The following TM9SF2 variants were observed in gnomAD, a reference collection of about 807,000 sequenced individuals.
The protein encoded by TM9SF2 is 76 kDa membrane protein.
A neutral mutation model predicts 84.9 loss-of-function variants in TM9SF2; 13 were observed. The ratio of observed to expected loss-of-function variants is 0.15; its 90% CI spans 0.10 to 0.24. The LOEUF is 0.24. Among genes scored for constraint, TM9SF2 ranks in the 10% least tolerant of loss-of-function variants. The pLI is 1.00. For synonymous variants in TM9SF2, 273 were observed against 285.8 expected, an observed-to-expected ratio of 0.96 and a Z score of 0.45; for missense variants, 562 against 818.5, an observed-to-expected ratio of 0.69 and a Z score of 3.82.
chr13:99,558,398 A>G (rs1481263514), intron 15 of TM9SF2, among the ~76,000 whole-genome samples: 1 of 152,214 alleles, frequency 6.6e-6, no homozygotes, highest in East Asian at 1.9e-4. Context: ...ATTACATTAG[A>G]TCTGTAGATC....
rs2046354418 is a variant in TM9SF2, at chr13:99,563,895, A to T, written c.*1137A>T. On this transcript the variant is annotated 3_prime_UTR_variant, in exon 17 of 17. Transcript: ENST00000376387. ...AATATAGGAATGGGGGGTGATTCTG[A>T]AGTATCGGTCTGCTTGTATCTGTGA... The T allele has an allele frequency of 6.6e-6, 1 of 152,178 alleles. No homozygotes were observed. The highest frequency in any genetic ancestry group is 2.4e-5 in the African/African-American group (1 of 41,440). The allele number at this position is 152,178 out of a possible 1,614,324, so 9.4% of individuals were successfully genotyped here.
chr13:99,502,579 A>AT (rs2046071402), intron 1 of TM9SF2, among the ~76,000 whole-genome samples: 2 of 152,342 alleles, frequency 1.3e-5, no homozygotes, highest in Admixed American at 6.5e-5. Context: ...CTCTTACAAC[A>AT]TTCACACTCA....
At chr13:99,502,690 GTTAAGT>G (rs1486541268) in intron 1 of TM9SF2, among the ~76,000 whole-genome samples, 1 of 152,118 alleles carries the variant, frequency 6.6e-6, no homozygotes, top group Non-Finnish European at 1.5e-5. Flanking sequence ...CAATTATTTC[GTTAAGT>G]TTATTTAAAA....
chr13:99,545,711 C>T (rs1350969993), intron 10 of TM9SF2, among the ~76,000 whole-genome samples: 1 of 152,006 alleles, frequency 6.6e-6, no homozygotes, highest in Non-Finnish European at 1.5e-5. Context: ...GGATTACAGG[C>T]GCCTGCCACC....
intron 1 of TM9SF2, among the ~76,000 whole-genome samples, chr13:99,507,693 G>A (rs941172241): frequency 3.9e-5 from 6 of 152,108 alleles, no homozygotes; most frequent in African/African-American, 9.7e-5. Flanking sequence ...TCAGGAAGGC[G>A]CCACTGTGGA....
At chr13:99,560,243 C>G (rs1399064046) in intron 16 of TM9SF2, among the ~76,000 whole-genome samples, 2 of 152,128 alleles carry the variant, frequency 1.3e-5, no homozygotes, top group African/African-American at 4.8e-5. Flanking sequence ...GAAGAAAATG[C>G]AGGAGCCAAA....
Position 99,501,488 on chromosome 13 carries a change from G to T in TM9SF2, c.-119G>T, listed in dbSNP as rs946146168. On this transcript the variant is annotated 5_prime_UTR_variant, in exon 1 of 17. Coordinates refer to ENST00000376387, the MANE Select transcript of TM9SF2 (RefSeq NM_004800.3). ...GTGTCTCCTAGCGCAACCGGAACTAGCCTTCTGGGGGCCGGCTTCCTTTAT... is the reference window on the plus strand; with the variant it reads ...GTGTCTCCTAGCGCAACCGGAACTATCCTTCTGGGGGCCGGCTTCCTTTAT... The T allele has an allele frequency of 7.5e-7, 1 of 1,335,922 alleles. No individual in the cohort carries two copies. The highest frequency in any genetic ancestry group is 1.0e-6 in the Non-Finnish European group (1 of 984,714). The allele number at this position is 1,335,922 out of a possible 1,614,324, so 82.8% of individuals were successfully genotyped here.
intron 3 of TM9SF2, 127 bp from the exon 4 acceptor site, chr13:99,529,340 T>C: frequency 5.1e-6 from 4 of 789,488 alleles, no homozygotes; most frequent in Non-Finnish European, 7.2e-6. Flanking sequence ...TTTAAAAATT[T>C]ATTTATTACC....
chr13:99,507,492 T>C (rs1031533064), intron 1 of TM9SF2, among the ~76,000 whole-genome samples: 7 of 152,228 alleles, frequency 4.6e-5, no homozygotes, highest in African/African-American at 1.7e-4. Flanking sequence ...TTATATTTAC[T>C]TCTTTCGTTG....
intron 13 of TM9SF2, 135 bp downstream of exon 13, chr13:99,552,461 T>A: frequency 6.4e-6 from 6 of 931,660 alleles, no homozygotes; most frequent in Admixed American, 2.9e-5. Context: ...AGAATATTTT[T>A]AAAATAGTAG....
intron 1 of TM9SF2, among the ~76,000 whole-genome samples, chr13:99,515,864 C>G (rs2046132051): frequency 6.6e-6 from 1 of 151,856 alleles, no homozygotes; most frequent in African/African-American, 2.4e-5. Flanking sequence ...TCCCCAGTAG[C>G]TGGGATTACA....
At chr13:99,530,346 C>A (rs1269735964) in intron 4 of TM9SF2, among the ~76,000 whole-genome samples, 1 of 152,228 alleles carries the variant, frequency 6.6e-6, no homozygotes, top group Non-Finnish European at 1.5e-5. Flanking sequence ...ATGGCGTGAA[C>A]CCCAGAGGCG....
chr13:99,562,830 T>G lies in TM9SF2; in HGVS notation c.*72T>G, dbSNP rs532164211. 1 of 1,444,628 alleles carries G rather than the reference T, an allele frequency of 6.9e-7. No individual in the cohort carries two copies. The highest frequency in any genetic ancestry group is 1.9e-5 in the Admixed American group (1 of 53,776). 89.5% of individuals were successfully genotyped at this position (1,444,628 alleles called of 1,614,324 possible). The stretch of plus-strand genomic sequence containing the variant: ...ATCAACAAAGACCTGTTTTTGTGAC[T>G]GCCTTGAGTTTTATCAGAATTATTG... On this transcript the variant is annotated 3_prime_UTR_variant, in exon 17 of 17. Transcript: ENST00000376387.
intron 4 of TM9SF2, among the ~76,000 whole-genome samples, chr13:99,535,813 C>T (rs9554604): frequency 0.088 from 13,370 of 152,102 alleles, 1,294 homozygotes; most frequent in East Asian, 0.51. Context: ...GTACTCTGGG[C>T]GCAGGGGGCC....
At chr13:99,506,335 C>T (rs1381209664) in intron 1 of TM9SF2, among the ~76,000 whole-genome samples, 2 of 152,066 alleles carry the variant, frequency 1.3e-5, no homozygotes, top group Admixed American at 6.5e-5. Flanking sequence ...AAATATTTAT[C>T]GATATGTAGT....
intron 4 of TM9SF2, among the ~76,000 whole-genome samples, chr13:99,534,243 A>G (rs913866980): frequency 3.9e-5 from 6 of 151,978 alleles, no homozygotes; most frequent in Admixed American, 6.5e-5. Context: ...CCACTGGACT[A>G]TAGCTTATTG....
Position 99,559,345 on chromosome 13 carries a change from TTTTTC to T in TM9SF2, c.1753-14_1753-10del, listed in dbSNP as rs765663435. On this transcript the variant is annotated splice_polypyrimidine_tract_variant and intron_variant, in intron 15 of 16. Coordinates refer to ENST00000376387, the MANE Select transcript of TM9SF2 (RefSeq NM_004800.3). The stretch of plus-strand genomic sequence containing the variant: ...TTAATTGGAATGTAATTCTTGTTCT[TTTTTC>T]TTTACTACCTAGGATTATCATTGGC... 1.3e-6 allele frequency: 2 copies of T among 1,557,212 alleles called. No homozygotes were observed. Among genetic ancestry groups the T allele is most frequent in the Admixed American group, 2.0e-5 (1 of 49,808 alleles).
intron 12 of TM9SF2, among the ~76,000 whole-genome samples, chr13:99,550,318 A>T (rs1239349222): frequency 6.6e-6 from 1 of 152,234 alleles, no homozygotes; most frequent in Non-Finnish European, 1.5e-5. Context: ...TCATTTTCTC[A>T]GTAAACATTT....
chr13:99,549,659 AAGC>A (rs1241705326), intron 12 of TM9SF2, among the ~76,000 whole-genome samples: 1 of 152,224 alleles, frequency 6.6e-6, no homozygotes, highest in African/African-American at 2.4e-5. Flanking sequence ...AATAAAAAAT[AAGC>A]AGCCACCACA....
Sources: allele counts gnomAD v4.1 joint callset (sites outside exome capture counted in the v4.1 genomes callset), GRCh38; gene constraint gnomAD v4.1.1; transcripts MANE v1.5; gene names NCBI Gene and HGNC (gene_info 2026-07-23, HGNC 2026-07-21).